LEPR: variants seen among roughly 807,000 people sequenced by gnomAD.
LEPR encodes OB receptor.
LEPR carries 56 observed loss-of-function variants against 114.7 expected under a neutral mutation model. The ratio of observed to expected loss-of-function variants is 0.49; its 90% CI spans 0.39 to 0.61. The LOEUF (loss-of-function observed/expected upper bound fraction) is 0.61, where lower values mean the gene tolerates loss of function less well. Ranked by LOEUF, LEPR falls within the 20% of genes least tolerant of loss-of-function variation. The pLI is 0.00. For missense variants in LEPR, 1,202 were observed against 1,352.9 expected (o/e 0.89, Z 1.75); for synonymous variants, 443 against 461.4 (o/e 0.96, Z 0.51).
chr1:65,606,619 C>G (rs1219725863), intron 11 of LEPR, among the ~76,000 whole-genome samples: 1 of 152,098 alleles, frequency 6.6e-6, no homozygotes, highest in Non-Finnish European at 1.5e-5. Flanking sequence ...TATTGAACTT[C>G]AAGCATATCC....
intron 2 of LEPR, among the ~76,000 whole-genome samples, chr1:65,534,094 G>T (rs1338942160): frequency 1.3e-5 from 2 of 152,106 alleles, no homozygotes; most frequent in South Asian, 2.1e-4. Flanking sequence ...GGAGAATTTT[G>T]TCAGTTTACA....
intron 8 of LEPR, among the ~76,000 whole-genome samples, chr1:65,599,992 A>G (rs1168549905): frequency 6.6e-6 from 1 of 152,120 alleles, no homozygotes; most frequent in Non-Finnish European, 1.5e-5. Flanking sequence ...TAAAAATACT[A>G]TGACTTTAAT....
At chr1:65,433,905 A>C in intron 2 of LEPR, 2 of 985,208 alleles carry the variant, frequency 2.0e-6, no homozygotes, top group Non-Finnish European at 2.4e-6. Context: ...TTTGAGCAAT[A>C]ATCTGTCCTA....
At chr1:65,634,276 G>A (rs1053248768) in intron 19 of LEPR, 1 of 981,718 alleles carries the variant, frequency 1.0e-6, no homozygotes, top group Non-Finnish European at 1.2e-6. Flanking sequence ...TTATTTGAAA[G>A]TAGAAAAGAA....
intron 2 of LEPR, among the ~76,000 whole-genome samples, chr1:65,467,443 T>A (rs1219014669): frequency 6.6e-6 from 1 of 152,148 alleles, no homozygotes; most frequent in Non-Finnish European, 1.5e-5. Context: ...TTGAGGTGTC[T>A]GTTGGCCCCT....
chr1:65,492,411 T>C (rs1186346650), intron 2 of LEPR, among the ~76,000 whole-genome samples: 1 of 152,126 alleles, frequency 6.6e-6, no homozygotes, highest in Admixed American at 6.6e-5. Flanking sequence ...CAAACACTTA[T>C]TATTCACCTA....
chr1:65,470,210 T>A (rs1647066084), intron 2 of LEPR, among the ~76,000 whole-genome samples: 1 of 152,220 alleles, frequency 6.6e-6, no homozygotes, highest in Non-Finnish European at 1.5e-5. Flanking sequence ...AATGTTGACA[T>A]TTTAATAGCC....
At chr1:65,432,446 T>C (rs1337710384) in intron 2 of LEPR, 1 of 638,434 alleles carries the variant, frequency 1.6e-6, no homozygotes, top group Non-Finnish European at 1.9e-6. Flanking sequence ...TCCAAAGGAG[T>C]TGTATGCACA....
intron 2 of LEPR, among the ~76,000 whole-genome samples, chr1:65,456,393 T>A (rs1646876797): frequency 6.6e-6 from 1 of 152,114 alleles, no homozygotes; most frequent in Admixed American, 6.5e-5. Context: ...GCTGGATCTG[T>A]CCATTTCTGA....
At chr1:65,455,567 G>A (rs1266583254) in intron 2 of LEPR, among the ~76,000 whole-genome samples, 1 of 152,162 alleles carries the variant, frequency 6.6e-6, no homozygotes, top group Non-Finnish European at 1.5e-5. Flanking sequence ...TGCCCCTGCT[G>A]GGGGGTGCCT....
intron 19 of LEPR, among the ~76,000 whole-genome samples, chr1:65,632,021 A>T (rs930974532): frequency 1.3e-5 from 2 of 152,046 alleles, no homozygotes; most frequent in Non-Finnish European, 2.9e-5. Flanking sequence ...GCCAGCTTTC[A>T]CAAGAGTTTA....
intron 2 of LEPR, among the ~76,000 whole-genome samples, chr1:65,513,356 C>T (rs543898391): frequency 6.6e-5 from 10 of 152,230 alleles, no homozygotes; most frequent in African/African-American, 2.4e-4. Flanking sequence ...ACCTTGTGTG[C>T]CTATACTAAT....
In LEPR at chr1:65,425,316, A is replaced by T; in HGVS notation, c.-83A>T. 1 of 1,612,046 alleles carries T rather than the reference A, an allele frequency of 6.2e-7. No homozygotes were observed. Among genetic ancestry groups the T allele is most frequent in the East Asian group, 2.2e-5 (1 of 44,776 alleles). Reference sequence around the variant, plus strand: ...TATTTTTCACAGCTCTCGTGGCATTATCCTTCAGTGGGGCTATTGGACTGA... The same window carrying T: ...TATTTTTCACAGCTCTCGTGGCATTTTCCTTCAGTGGGGCTATTGGACTGA... On this transcript the variant is annotated 5_prime_UTR_variant, in exon 2 of 20. Coordinates refer to ENST00000349533, the MANE Select transcript of LEPR (RefSeq NM_002303.6).
rs189976053 is a variant in LEPR, at chr1:65,466,249, G to C, written c.-21+40871G>C. Among the ~76,000 whole-genome samples the C allele has an allele frequency of 2.4e-4, 36 of 152,222 alleles. No individual in the cohort carries two copies. The East Asian group carries it at 6.4e-3, about 27-fold the overall frequency. The stretch of plus-strand genomic sequence containing the variant: ...TGACAAAATCTCTCAGCATTTGCTT[G>C]TCTGTAAAGGATTTTATTTCTCCTT... On this transcript the variant is annotated intron_variant, in intron 2 of 19. Coordinates refer to ENST00000349533, the MANE Select transcript of LEPR (RefSeq NM_002303.6).
At chr1:65,560,075 C>A (rs1242501517) in intron 2 of LEPR, among the ~76,000 whole-genome samples, 1 of 138,984 alleles carries the variant, frequency 7.2e-6, no homozygotes, top group Non-Finnish European at 1.6e-5. Context: ...TAGTTTTTTC[C>A]AATTCTGTGA....
intron 2 of LEPR, among the ~76,000 whole-genome samples, chr1:65,461,987 C>A (rs1646951716): frequency 1.3e-5 from 2 of 152,090 alleles, no homozygotes; most frequent in African/African-American, 4.8e-5. Context: ...GTCTTAGAAA[C>A]TGTTTTTTAA....
intron 14 of LEPR, among the ~76,000 whole-genome samples, chr1:65,615,455 C>A (rs1212247120): frequency 1.3e-5 from 2 of 152,006 alleles, no homozygotes; most frequent in Non-Finnish European, 2.9e-5. Flanking sequence ...GTTTTGATGG[C>A]CTCTGTTACT....
At chr1:65,555,995 C>T (rs939659575) in intron 2 of LEPR, among the ~76,000 whole-genome samples, 2 of 152,126 alleles carry the variant, frequency 1.3e-5, no homozygotes, top group Non-Finnish European at 2.9e-5. Flanking sequence ...TTTGTGCCAC[C>T]ACAGAATTCA....
chr1:65,450,481 G>GTGTT (rs1646769386), intron 2 of LEPR, among the ~76,000 whole-genome samples: 1 of 140,550 alleles, frequency 7.1e-6, no homozygotes, highest in Non-Finnish European at 1.5e-5. Flanking sequence ...CTGTGTCCAT[G>GTGTT]TGTTCTCATT....
Sources: allele counts gnomAD v4.1 joint callset (sites outside exome capture counted in the v4.1 genomes callset), GRCh38; gene constraint gnomAD v4.1.1; transcripts MANE v1.5; gene names NCBI Gene and HGNC (gene_info 2026-07-23, HGNC 2026-07-21).